Variants in KLF12 observed in about 807,000 individuals in gnomAD.
KLF12 encodes the protein Krueppel-like factor 12.
A neutral mutation model predicts 37.8 loss-of-function variants in KLF12; 9 were observed. The ratio of observed to expected loss-of-function variants is 0.24; its 90% CI spans 0.14 to 0.42. The LOEUF (loss-of-function observed/expected upper bound fraction) is 0.42. KLF12 is among the 10% of genes least tolerant of loss of function. KLF12 has a pLI of 1.00. For missense variants in KLF12, 411 were observed against 516.0 expected, an observed-to-expected ratio of 0.80 and a Z score of 1.97; for synonymous variants, 208 against 202.1, an observed-to-expected ratio of 1.03 and a Z score of -0.25.
the KLF12 span, among the ~76,000 whole-genome samples, chr13:74,296,628 T>A: frequency 1.3e-5 from 2 of 152,218 alleles, no homozygotes; most frequent in African/African-American, 4.8e-5. Flanking sequence ...GCAATCTTAT[T>A]CCTGAAAGAA....
intron 1 of KLF12, among the ~76,000 whole-genome samples, chr13:74,060,358 T>C (rs2138643755): frequency 6.6e-6 from 1 of 152,336 alleles, no homozygotes; most frequent in South Asian, 2.1e-4. Context: ...AGTTTGGTCA[T>C]ACTAACAATA....
At chr13:73,979,813 G>A (rs9600209) in intron 2 of KLF12, among the ~76,000 whole-genome samples, 6,712 of 152,118 alleles carry the variant, frequency 0.044, 301 homozygotes, top group African/African-American at 0.11. Context: ...TCAGAATATT[G>A]AGACTCTATT....
At chr13:74,161,760 T>C in the KLF12 span, among the ~76,000 whole-genome samples, 2 of 152,196 alleles carry the variant, frequency 1.3e-5, no homozygotes, top group East Asian at 3.8e-4. Context: ...TTTAATTATT[T>C]AGCAATTGAG....
chr13:73,837,184 G>C (rs1884479465), intron 4 of KLF12, among the ~76,000 whole-genome samples: 1 of 152,110 alleles, frequency 6.6e-6, no homozygotes, highest in South Asian at 2.1e-4. Flanking sequence ...GGAGGTGGGA[G>C]GAGCTAATTA....
chr13:74,060,494 G>GTGTGTGTGTGTGTGTGTC (rs778652274), intron 1 of KLF12, among the ~76,000 whole-genome samples: 10,884 of 126,034 alleles, frequency 0.086, 595 homozygotes, highest in Non-Finnish European at 0.12. Context: ...TTGTGTGTGT[G>GTGTGTGTGTGTGTGTGTC]TGTGTGTGTG....
At chr13:73,738,089 G>GTATA (rs1594029533) in intron 6 of KLF12, among the ~76,000 whole-genome samples, 1 of 113,038 alleles carries the variant, frequency 8.8e-6, no homozygotes, top group Non-Finnish European at 1.9e-5. Flanking sequence ...ATATGTATGT[G>GTATA]TACATATATA....
chr13:74,294,846 G>A, the KLF12 span, among the ~76,000 whole-genome samples: 5 of 152,042 alleles, frequency 3.3e-5, no homozygotes, highest in African/African-American at 7.2e-5. Flanking sequence ...AATAACCTCC[G>A]ATTTATCTCC....
chr13:74,184,232 T>G, the KLF12 span, among the ~76,000 whole-genome samples: 1 of 152,208 alleles, frequency 6.6e-6, no homozygotes, highest in Admixed American at 6.5e-5. Context: ...GCTGACAGAT[T>G]ATATTCTTAT....
chr13:74,028,166 C>G (rs538894440), intron 1 of KLF12, among the ~76,000 whole-genome samples: 11 of 152,092 alleles, frequency 7.2e-5, no homozygotes, highest in African/African-American at 2.7e-4. Context: ...AGTCTTTGAC[C>G]CAGTGATAAC....
chr13:74,156,433 G>A, the KLF12 span, among the ~76,000 whole-genome samples: 2 of 152,102 alleles, frequency 1.3e-5, no homozygotes, highest in African/African-American at 4.8e-5. Flanking sequence ...AGCACATGAT[G>A]GAGAATGAGG....
At chr13:74,126,602 C>CTAGATG (rs1877957969) in intron 1 of KLF12, among the ~76,000 whole-genome samples, 1 of 152,074 alleles carries the variant, frequency 6.6e-6, no homozygotes, top group South Asian at 2.1e-4. Flanking sequence ...CTTTCATTTC[C>CTAGATG]CCTTTTTCCA....
intron 7 of KLF12, among the ~76,000 whole-genome samples, chr13:73,706,858 A>C (rs1874989580): frequency 6.6e-6 from 1 of 152,222 alleles, no homozygotes; most frequent in African/African-American, 2.4e-5. Flanking sequence ...TGTGTGCCAA[A>C]CAAGCACTCA....
intron 6 of KLF12, among the ~76,000 whole-genome samples, chr13:73,718,432 T>C (rs1875978189): frequency 1.3e-5 from 2 of 152,204 alleles, no homozygotes; most frequent in Admixed American, 6.5e-5. Flanking sequence ...GGATTGTCTA[T>C]AGGACCTCAG....
At chr13:74,261,040 C>G in the KLF12 span, among the ~76,000 whole-genome samples, 3 of 152,058 alleles carry the variant, frequency 2.0e-5, no homozygotes, top group African/African-American at 7.2e-5. Flanking sequence ...GGGTACGGTG[C>G]TCAGGTGATG....
intron 3 of KLF12, among the ~76,000 whole-genome samples, chr13:73,900,810 T>C (rs1005698393): frequency 6.6e-6 from 1 of 152,166 alleles, no homozygotes; most frequent in African/African-American, 2.4e-5. Flanking sequence ...TGACTATAAA[T>C]GGAGGAAAAC....
chr13:73,730,260 C>T (rs950526988), intron 6 of KLF12, among the ~76,000 whole-genome samples: 7 of 152,164 alleles, frequency 4.6e-5, no homozygotes, highest in Non-Finnish European at 1.0e-4. Flanking sequence ...GAGCTCTCAG[C>T]TCTCTTCTCT....
At chr13:73,837,359 ACAGATTGTAGGCATTT>A (rs1452701590) in intron 4 of KLF12, among the ~76,000 whole-genome samples, 1 of 152,194 alleles carries the variant, frequency 6.6e-6, no homozygotes, top group Non-Finnish European at 1.5e-5. Context: ...AGCGAAATCG[ACAGATTGTAGGCATTT>A]CAGATAAACA....
intron 4 of KLF12, among the ~76,000 whole-genome samples, chr13:73,844,514 C>A (rs1015896564): frequency 1.3e-5 from 2 of 152,184 alleles, no homozygotes; most frequent in African/African-American, 4.8e-5. Context: ...AGTTTGCAGT[C>A]TAAAAAGCCT....
intron 1 of KLF12, among the ~76,000 whole-genome samples, chr13:74,020,745 G>A (rs1892820865): frequency 6.6e-6 from 1 of 152,068 alleles, no homozygotes; most frequent in Non-Finnish European, 1.5e-5. Context: ...AAAAAAATTA[G>A]CCAGGCATGA....
Sources: allele counts gnomAD v4.1 joint callset (sites outside exome capture counted in the v4.1 genomes callset), GRCh38; gene constraint gnomAD v4.1.1; transcripts MANE v1.5; gene names NCBI Gene and HGNC (gene_info 2026-07-23, HGNC 2026-07-21).